IPMK: variants seen among roughly 807,000 people sequenced by gnomAD.
IPMK encodes the protein inositol 1,3,4,6-tetrakisphosphate 5-kinase.
In IPMK, 17 loss-of-function variants were observed where a neutral mutation model predicts 45.8. That is an observed-to-expected ratio of 0.37 (90% CI 0.25 to 0.56). IPMK has a LOEUF of 0.56. Among genes scored for constraint, IPMK ranks in the 20% least tolerant of loss-of-function variants. IPMK has a pLI of 0.79. For synonymous variants in IPMK, 180 were observed against 184.3 expected, an observed-to-expected ratio of 0.98 and a Z score of 0.19; for missense variants, 399 against 498.0, an observed-to-expected ratio of 0.80 and a Z score of 1.89.
intron 1 of IPMK, among the ~76,000 whole-genome samples, chr10:58,261,784 G>A (rs113848834): frequency 0.022 from 3,315 of 152,234 alleles, 135 homozygotes; most frequent in African/African-American, 0.076. Context: ...GTTTTGCCAT[G>A]TTGGCCAGGC....
chr10:58,237,829 T>A lies in IPMK; in HGVS notation c.191-15A>T. 1 of 1,588,290 alleles carries A rather than the reference T, an allele frequency of 6.3e-7. No homozygotes were observed. Among genetic ancestry groups the A allele is most frequent in the Admixed American group, 1.7e-5 (1 of 59,944 alleles). On this transcript the variant is annotated splice_polypyrimidine_tract_variant and intron_variant, in intron 1 of 5. Coordinates refer to ENST00000373935, the MANE Select transcript of IPMK (RefSeq NM_152230.5). ...TTGCAGTATACCTATGGAACAAAAA[T>A]CAGAAATTGTTTAATGCTTTAATAA...
At chr10:58,264,473 T>A (rs1424029448) in intron 1 of IPMK, among the ~76,000 whole-genome samples, 1 of 152,204 alleles carries the variant, frequency 6.6e-6, no homozygotes, top group African/African-American at 2.4e-5. Context: ...TCAAGAAATA[T>A]CAGATTTCCA....
chr10:58,261,378 A>T (rs963801304), intron 1 of IPMK, among the ~76,000 whole-genome samples: 2 of 151,930 alleles, frequency 1.3e-5, no homozygotes, highest in African/African-American at 4.8e-5. Context: ...ATTTTTTATT[A>T]TACTTTTCTG....
chr10:58,196,312 T>C lies in IPMK; in HGVS notation c.1015A>G (p.Asn339Asp), dbSNP rs1450242426. The C allele has an allele frequency of 6.2e-7, 1 of 1,614,208 alleles. No homozygotes were observed. Residue 339 changes from asparagine (N) to aspartate (D), a missense_variant, in exon 6 of 6, where the codon AAT (asparagine) becomes GAT (aspartate). Asn to Asp is a conservative substitution (Grantham distance 23). Coordinates refer to ENST00000373935, the MANE Select transcript of IPMK (RefSeq NM_152230.5). ...HHSQTSLKVE[N>D]LEQDNGWKSM... is the part of the protein sequence containing the mutation. ...TTCCACCCATTGTCTTGCTCCAGAT[T>C]TTCAACTTTCAATGAAGTCTGACTG...
chr10:58,243,570 G>A (rs1281289360), intron 1 of IPMK, among the ~76,000 whole-genome samples: 3 of 152,188 alleles, frequency 2.0e-5, no homozygotes, highest in South Asian at 2.1e-4. Flanking sequence ...AGGTTTCCCC[G>A]TGTTGACTGG....
At chr10:58,262,938 A>T (rs1309369504) in intron 1 of IPMK, among the ~76,000 whole-genome samples, 1 of 150,800 alleles carries the variant, frequency 6.6e-6, no homozygotes, top group South Asian at 2.1e-4. Context: ...GGGGGAAAAA[A>T]TCACAATTTT....
chr10:58,226,768 G>A (rs371896460), intron 3 of IPMK, among the ~76,000 whole-genome samples: 9 of 152,136 alleles, frequency 5.9e-5, no homozygotes, highest in African/African-American at 2.2e-4. Flanking sequence ...AATAAATTAG[G>A]ACAGAACATC....
At chr10:58,237,856 A>G (rs1246673427) in intron 1 of IPMK, 42 bp from the exon 2 acceptor site, 4 of 1,393,312 alleles carry the variant, frequency 2.9e-6, no homozygotes, top group Non-Finnish European at 4.1e-6. Context: ...CTTTAATAAT[A>G]GTAAACCTTG....
intron 4 of IPMK, among the ~76,000 whole-genome samples, chr10:58,214,975 G>C (rs1330070147): frequency 6.6e-6 from 1 of 152,116 alleles, no homozygotes; most frequent in Non-Finnish European, 1.5e-5. Context: ...ATCTGGGCTA[G>C]CCCTGTACTA....
intron 1 of IPMK, among the ~76,000 whole-genome samples, chr10:58,252,262 T>C (rs1304974224): frequency 2.0e-5 from 3 of 152,210 alleles, no homozygotes; most frequent in African/African-American, 7.2e-5. Context: ...ACAAACTCTA[T>C]ACTTTAACAC....
chr10:58,231,315 G>C (rs1838513173), intron 2 of IPMK, among the ~76,000 whole-genome samples: 1 of 152,090 alleles, frequency 6.6e-6, no homozygotes, highest in African/African-American at 2.4e-5. Context: ...TTAAATTCAG[G>C]AAATACGGAG....
intron 4 of IPMK, among the ~76,000 whole-genome samples, chr10:58,214,286 A>C (rs1838212983): frequency 6.6e-6 from 1 of 152,220 alleles, no homozygotes; most frequent in Admixed American, 6.5e-5. Context: ...ACAATGAGGG[A>C]ATAAAAGCAA....
chr10:58,258,720 T>A (rs1839011400), intron 1 of IPMK, among the ~76,000 whole-genome samples: 1 of 152,146 alleles, frequency 6.6e-6, no homozygotes, highest in Non-Finnish European at 1.5e-5. Context: ...AGCTAATATA[T>A]TGTTTAGTAC....
intron 1 of IPMK, among the ~76,000 whole-genome samples, chr10:58,250,371 T>C (rs956931961): frequency 5.3e-5 from 8 of 152,212 alleles, no homozygotes; most frequent in Non-Finnish European, 1.0e-4. Flanking sequence ...ATAGTTTTTA[T>C]TGTAAAGATA....
chr10:58,208,128 C>G (rs1165310509), intron 4 of IPMK, among the ~76,000 whole-genome samples: 2 of 151,622 alleles, frequency 1.3e-5, no homozygotes, highest in African/African-American at 4.8e-5. Context: ...TTTTAGTAGA[C>G]ATGGGGTTTC....
intron 2 of IPMK, among the ~76,000 whole-genome samples, chr10:58,236,861 AG>A (rs1213967942): frequency 6.6e-6 from 1 of 152,114 alleles, no homozygotes; most frequent in Non-Finnish European, 1.5e-5. Context: ...CTTGAGCTTA[AG>A]TGTTTAAGAC....
At chr10:58,254,913 G>A (rs532254964) in intron 1 of IPMK, among the ~76,000 whole-genome samples, 1 of 152,192 alleles carries the variant, frequency 6.6e-6, no homozygotes, top group Non-Finnish European at 1.5e-5. Context: ...CCCAATCCAG[G>A]GAAGACTTAC....
In IPMK at chr10:58,199,224, G is replaced by GC. The variant is rs764007615; in HGVS notation, c.628+15_628+16insG. 9 of 1,533,704 alleles carry GC rather than the reference G, an allele frequency of 5.9e-6. No homozygotes were observed. Among genetic ancestry groups the GC allele is most frequent in the Non-Finnish European group, 8.1e-6 (9 of 1,117,176 alleles). On this transcript the variant is annotated intron_variant, in intron 5 of 5. Transcript: ENST00000373935. The stretch of plus-strand genomic sequence containing the variant: ...TAACTGTTCAATCATAAAAGCATTA[G>GC]TTTTTTAGTCCTTACCATCCTTTAT...
At chr10:58,244,300 C>T (rs1354111996) in intron 1 of IPMK, among the ~76,000 whole-genome samples, 7 of 15,586 alleles carry the variant, frequency 4.5e-4, no homozygotes, top group South Asian at 2.8e-3. Context: ...GGGAAGTGGG[C>T]GCCTCTGCCC....
Sources: gnomAD v4.1 joint callset for allele counts (sites outside exome capture counted in the v4.1 genomes callset) on GRCh38, gnomAD v4.1.1 for gene constraint, MANE v1.5 for transcripts, NCBI Gene and HGNC (gene_info 2026-07-23, HGNC 2026-07-21) for gene names.